CSMD3: variants seen among roughly 807,000 people sequenced by gnomAD.
The protein encoded by CSMD3 is CUB and sushi domain-containing protein 3.
A neutral mutation model predicts 435.2 loss-of-function variants in CSMD3; 177 were observed. The ratio of observed to expected loss-of-function variants is 0.41; its 90% confidence interval spans 0.36 to 0.46. CSMD3 has a LOEUF of 0.46. Among genes scored for constraint, CSMD3 ranks in the 20% least tolerant of loss-of-function variants. CSMD3 has a pLI of 0.34. For synonymous variants in CSMD3, 1,656 were observed against 1,520.5 expected, an observed-to-expected ratio of 1.09 and a Z score of -2.07; for missense variants, 4,265 against 4,504.6, an observed-to-expected ratio of 0.95 and a Z score of 1.52.
intron 5 of CSMD3, among the ~76,000 whole-genome samples, chr8:113,034,419 C>T (rs1008984908): frequency 2.0e-5 from 3 of 150,708 alleles, no homozygotes; most frequent in African/African-American, 7.3e-5. Context: ...TGAAAGACAA[C>T]AGTCACAAAA....
chr8:112,488,427 G>C (rs1418752628), intron 31 of CSMD3, among the ~76,000 whole-genome samples: 1 of 152,174 alleles, frequency 6.6e-6, no homozygotes, highest in Non-Finnish European at 1.5e-5. Context: ...TGTTCTAAGA[G>C]TCTGCAGAAT....
intron 31 of CSMD3, among the ~76,000 whole-genome samples, chr8:112,478,513 T>C (rs11995925): frequency 0.017 from 2,659 of 152,262 alleles, 79 homozygotes; most frequent in African/African-American, 0.06. Flanking sequence ...TTGGCTGCAT[T>C]GTGTTCATGT....
intron 3 of CSMD3, among the ~76,000 whole-genome samples, chr8:113,266,855 A>G (rs559594670): frequency 2.6e-5 from 4 of 151,774 alleles, no homozygotes; most frequent in Admixed American, 2.0e-4. Flanking sequence ...TTCATCCAAC[A>G]GTGAACTAAT....
At chr8:112,718,573 G>A (rs2076787315) in intron 13 of CSMD3, among the ~76,000 whole-genome samples, 1 of 151,188 alleles carries the variant, frequency 6.6e-6, no homozygotes, top group South Asian at 2.1e-4. Context: ...AATAATGCAA[G>A]AGAAAAGTAT....
intron 43 of CSMD3, among the ~76,000 whole-genome samples, chr8:112,337,262 A>G (rs1278070069): frequency 6.6e-6 from 1 of 152,150 alleles, no homozygotes; most frequent in Non-Finnish European, 1.5e-5. Flanking sequence ...ACTTAAATGC[A>G]TACAAACCCA....
At chr8:113,138,476 A>C (rs2091469058) in intron 4 of CSMD3, among the ~76,000 whole-genome samples, 1 of 151,490 alleles carries the variant, frequency 6.6e-6, no homozygotes, top group Admixed American at 6.6e-5. Context: ...TAATATCTAG[A>C]GGTTAATTCC....
chr8:112,251,754 A>C (rs780765112), intron 63 of CSMD3, among the ~76,000 whole-genome samples: 12 of 151,740 alleles, frequency 7.9e-5, no homozygotes, highest in Non-Finnish European at 1.6e-4. Context: ...CAAGCCCTAA[A>C]TCCAAATAAT....
At chr8:112,937,449 CA>C (rs1226664126) in intron 9 of CSMD3, among the ~76,000 whole-genome samples, 4 of 150,760 alleles carry the variant, frequency 2.7e-5, no homozygotes, top group Non-Finnish European at 4.4e-5. Context: ...CTCCTGGGCT[CA>C]AGCGATTATC....
chr8:112,829,563 A>T, intron 12 of CSMD3, 123 bp downstream of exon 12: 1 of 710,920 alleles, frequency 1.4e-6, no homozygotes, highest in Non-Finnish European at 2.6e-6. Flanking sequence ...AACAATAATA[A>T]CTAAGTTACT....
intron 1 of CSMD3, among the ~76,000 whole-genome samples, chr8:113,400,663 G>A (rs1340681293): frequency 6.6e-6 from 1 of 151,790 alleles, no homozygotes; most frequent in African/African-American, 2.4e-5. Context: ...ATTTCATGAG[G>A]ATATTGTCTC....
rs79659791 is a variant in CSMD3 at position 112,229,130 on chromosome 8, A to C, written c.10829-239T>G. Among the ~76,000 whole-genome samples the C allele has an allele frequency of 3.3e-3, 503 of 152,306 alleles. 4 individuals are homozygous for C. The highest frequency in any genetic ancestry group is 0.012 in the African/African-American group (489 of 41,566). On this transcript the variant is annotated intron_variant, in intron 69 of 70. Transcript: ENST00000297405. ...AAATAGGCAGAGCCCCGAACTAAGG[A>C]GTTTATACAATAGTGGGAAGACATA... is the stretch of plus-strand genomic sequence containing the variant.
chr8:112,594,959 T>G (rs983187406), intron 22 of CSMD3, among the ~76,000 whole-genome samples: 18 of 151,886 alleles, frequency 1.2e-4, no homozygotes, highest in Non-Finnish European at 2.1e-4. Context: ...GCAGAGCGCC[T>G]CTCCTCCTCC....
intron 6 of CSMD3, among the ~76,000 whole-genome samples, chr8:112,977,274 C>G (rs2084888466): frequency 6.6e-6 from 1 of 151,906 alleles, no homozygotes; most frequent in African/African-American, 2.4e-5. Flanking sequence ...ATAGTCAGAT[C>G]CCGGTTGGAA....
At chr8:113,203,182 C>T (rs760358283) in intron 3 of CSMD3, among the ~76,000 whole-genome samples, 1 of 152,134 alleles carries the variant, frequency 6.6e-6, no homozygotes, top group Non-Finnish European at 1.5e-5. Context: ...TGCTAATGAC[C>T]TGACCTGATC....
At chr8:112,472,777 T>C (rs1198332802) in intron 31 of CSMD3, 70 bp from the exon 32 acceptor site, 5 of 826,728 alleles carry the variant, frequency 6.0e-6, no homozygotes, top group East Asian at 2.5e-5. Context: ...GGTTATCTTC[T>C]TCATATAAAA....
chr8:112,679,085 GTTT>G (rs1195093248), intron 16 of CSMD3, among the ~76,000 whole-genome samples: 4 of 115,052 alleles, frequency 3.5e-5, no homozygotes, highest in Non-Finnish European at 7.0e-5. Context: ...GATGGGGCAG[GTTT>G]TTTTTTTTTT....
chr8:113,302,359 C>A (rs1417627675), intron 2 of CSMD3, among the ~76,000 whole-genome samples: 3 of 134,838 alleles, frequency 2.2e-5, no homozygotes, highest in Non-Finnish European at 4.7e-5. Flanking sequence ...GGAAGAATAT[C>A]TGAAATGATG....
At chr8:112,402,914 C>A (rs1831459784) in intron 35 of CSMD3, among the ~76,000 whole-genome samples, 1 of 152,046 alleles carries the variant, frequency 6.6e-6, no homozygotes, top group Non-Finnish European at 1.5e-5. Context: ...TATAACATTT[C>A]ATGAGTATGA....
Position 113,311,644 on chromosome 8 carries a change from C to T in CSMD3, c.401+2927G>A, listed in dbSNP as rs147839027. On this transcript the variant is annotated intron_variant, in intron 2 of 70. Coordinates refer to ENST00000297405, the MANE Select transcript of CSMD3 (RefSeq NM_198123.2). ...GCCAGACGCAAATATGAATCAAACT[C>T]TGCCAGCAGCAGTTTCGACTTCTAA... 1.2e-4 allele frequency: 18 copies of T among 152,224 alleles called. 1 individual carries two copies. The highest frequency in any genetic ancestry group is 2.2e-4 in the Non-Finnish European group (15 of 67,970). The allele number at this position is 152,224 out of a possible 1,614,324, so 9.4% of individuals were successfully genotyped here.
Sources: gnomAD v4.1 joint callset for allele counts (sites outside exome capture counted in the v4.1 genomes callset) on GRCh38, gnomAD v4.1.1 for gene constraint, MANE v1.5 for transcripts, NCBI Gene and HGNC (gene_info 2026-07-23, HGNC 2026-07-21) for gene names.